IPMK: variants seen among roughly 807,000 people sequenced by gnomAD.
IPMK encodes inositol polyphosphate multikinase.
Under a neutral mutation model 45.8 loss-of-function variants are expected in IPMK, and 17 were observed. The observed-to-expected ratio is 0.37, with a 90% confidence interval of 0.25 to 0.56. The LOEUF is 0.56. IPMK is among the 20% of genes least tolerant of loss of function. IPMK has a pLI of 0.79. For missense variants in IPMK, 399 were observed against 498.0 expected (o/e 0.80, Z 1.89); for synonymous variants, 180 against 184.3 (o/e 0.98, Z 0.19).
chr10:58,196,129 C>T lies in IPMK; in HGVS notation c.1198G>A (p.Val400Ile), dbSNP rs779545983. Residue 400 changes from valine (V) to isoleucine (I), a missense_variant, in exon 6 of 6, where the codon GTT (valine) becomes ATT (isoleucine). Around this residue, in one of 2 missense-constraint regions of IPMK, gnomAD observed 288 missense variants for 398.0 expected, o/e 0.72. Coordinates refer to ENST00000373935, the MANE Select transcript of IPMK (RefSeq NM_152230.5). Reference protein sequence around the residue: ...FPSNTIDEGYVYGLKHLISVL... With the variant: ...FPSNTIDEGYIYGLKHLISVL... The stretch of plus-strand genomic sequence containing the variant: ...GAAATTAAATGCTTTAGCCCATAAA[C>T]ATATCCCTCATCTATTGTGTTGCTA... 1 of 1,613,894 alleles carries T rather than the reference C, an allele frequency of 6.2e-7. No individual in the cohort carries two copies. Among genetic ancestry groups the T allele is most frequent in the African/African-American group, 1.3e-5 (1 of 75,044 alleles).
chr10:58,223,687 G>A (rs1273881094), intron 3 of IPMK, among the ~76,000 whole-genome samples: 2 of 152,136 alleles, frequency 1.3e-5, no homozygotes, highest in African/African-American at 4.8e-5. Context: ...TTGGCTCTCT[G>A]TCCCCAACCA....
At chr10:58,253,831 C>T (rs1326986623) in intron 1 of IPMK, among the ~76,000 whole-genome samples, 2 of 152,014 alleles carry the variant, frequency 1.3e-5, no homozygotes, top group Non-Finnish European at 2.9e-5. Context: ...CTCTCTCCCT[C>T]CCTCCCTTCC....
At position 58,230,762 on chromosome 10, in the gene IPMK, C is replaced by T. The variant is rs182296486; in HGVS notation, c.277-3623G>A. ...CAGAAAATTCTAAAAATCAGAGTGC[C>T]TCCTCTCCTCCAAAGGATCACAGCT... On this transcript the variant is annotated intron_variant, in intron 2 of 5. Transcript: ENST00000373935. Among the ~76,000 whole-genome samples, 3 of 152,252 alleles carry T rather than the reference C, an allele frequency of 2.0e-5. No individual in the cohort carries two copies. In the East Asian group the frequency reaches 5.8e-4, roughly 29 times the overall value.
At position 58,191,769 on chromosome 10, in the gene IPMK, A is replaced by G. The variant is rs1422328732; in HGVS notation, c.*4307T>C. 1.3e-5 allele frequency: 2 copies of G among 152,232 alleles called. No homozygotes were observed. Among genetic ancestry groups the G allele is most frequent in the East Asian group, 1.9e-4 (1 of 5,182 alleles). The allele number at this position is 152,232 out of a possible 1,614,324, so 9.4% of individuals were successfully genotyped here. ...CTGTGACTAAATACATTCATTCATC[A>G]AGTACAATAAATTTAGCATTGCTGC... is the stretch of plus-strand genomic sequence containing the variant. On this transcript the variant is annotated 3_prime_UTR_variant, in exon 6 of 6. Transcript: ENST00000373935.
chr10:58,218,157 A>G (rs1838277170), intron 3 of IPMK, among the ~76,000 whole-genome samples: 1 of 152,238 alleles, frequency 6.6e-6, no homozygotes, highest in Non-Finnish European at 1.5e-5. Flanking sequence ...ACTGCAGTCC[A>G]AGGGAGAAGC....
intron 1 of IPMK, among the ~76,000 whole-genome samples, chr10:58,246,693 T>A (rs558730433): frequency 2.6e-5 from 4 of 151,044 alleles, no homozygotes. Flanking sequence ...CCTAAAACCA[T>A]AAAAACCCTA....
intron 4 of IPMK, among the ~76,000 whole-genome samples, chr10:58,213,815 G>A (rs1242432915): frequency 1.3e-5 from 2 of 152,368 alleles, no homozygotes; most frequent in Non-Finnish European, 1.5e-5. Context: ...CAAGGAGGGT[G>A]TGGCTGGCAT....
chr10:58,244,706 C>A lies in IPMK; in HGVS notation c.191-6892G>T, dbSNP rs367581398. Among the ~76,000 whole-genome samples the A allele has an allele frequency of 2.3e-3, 348 of 152,206 alleles. 6 individuals carry two copies. The highest frequency in any genetic ancestry group is 0.017 in the Admixed American group (266 of 15,294). On this transcript the variant is annotated intron_variant, in intron 1 of 5. Coordinates refer to ENST00000373935, the MANE Select transcript of IPMK (RefSeq NM_152230.5). ...ATTTTGTTCTGTACTAAGAAAAATT[C>A]TTCTGCCTTGGGATGCTGTTAATCT...
intron 3 of IPMK, among the ~76,000 whole-genome samples, chr10:58,220,830 G>T (rs1457982298): frequency 1.3e-5 from 2 of 152,130 alleles, no homozygotes; most frequent in African/African-American, 4.8e-5. Flanking sequence ...GGTACTCACT[G>T]AATATTTATT....
In IPMK at chr10:58,196,340, A is replaced by G; in HGVS notation, c.987T>C (p.His329=). The change falls in exon 6 of 6, where the codon CAT becomes CAC. Residue 329 remains histidine, a synonymous_variant. Coordinates refer to ENST00000373935, the MANE Select transcript of IPMK (RefSeq NM_152230.5). ...ARHRKIYTKK[H]HSQTSLKVEN... ...CAACTTTCAATGAAGTCTGACTGTGATGCTTTTTTGTATATATTTTCCTGT... is the reference window on the plus strand; with the variant it reads ...CAACTTTCAATGAAGTCTGACTGTGGTGCTTTTTTGTATATATTTTCCTGT... 6.2e-7 allele frequency: 1 copy of G among 1,614,100 alleles called. No individual in the cohort carries two copies. Among genetic ancestry groups the G allele is most frequent in the South Asian group, 1.1e-5 (1 of 91,082 alleles).
intron 4 of IPMK, among the ~76,000 whole-genome samples, chr10:58,213,367 C>T (rs1429637115): frequency 6.6e-6 from 1 of 152,098 alleles, no homozygotes; most frequent in Non-Finnish European, 1.5e-5. Flanking sequence ...AAAATGGAAC[C>T]AAGAGGAATA....
chr10:58,267,627 C>G lies in IPMK; in HGVS notation c.-16G>C. ...CTGTTGCCATAACGGAGAGCAGAAG[C>G]GGTAACGGCAGCGAGAGTAGGAAAA... is the stretch of plus-strand genomic sequence containing the variant. On this transcript the variant is annotated 5_prime_UTR_variant, in exon 1 of 6. Transcript: ENST00000373935. 6.4e-7 allele frequency: 1 copy of G among 1,564,320 alleles called. No individual in the cohort carries two copies. Among genetic ancestry groups the G allele is most frequent in the Non-Finnish European group, 8.7e-7 (1 of 1,149,842 alleles).
chr10:58,225,858 G>A (rs911847312), intron 3 of IPMK, among the ~76,000 whole-genome samples: 8 of 152,104 alleles, frequency 5.3e-5, no homozygotes, highest in South Asian at 2.1e-4. Flanking sequence ...GGCATTAAAT[G>A]GGTTTGCGAG....
In IPMK at chr10:58,196,403, A is replaced by C. The variant is rs1185978150; in HGVS notation, c.924T>G (p.Ser308=). 6.2e-7 allele frequency: 1 copy of C among 1,613,974 alleles called. No homozygotes were observed. Among genetic ancestry groups the C allele is most frequent in the African/African-American group, 1.3e-5 (1 of 74,920 alleles). Residue 308 remains serine, a synonymous_variant, in exon 6 of 6, where the codon TCT becomes TCG. Coordinates refer to ENST00000373935, the MANE Select transcript of IPMK (RefSeq NM_152230.5). ...LSSTANGKIE[S]SVGKSLSKMY... ...TCTTGGACAAGCTTTTGCCCACTGA[A>C]GACTCTATTTTTCCATTAGCTGTGG...
At chr10:58,243,132 C>T (rs949928910) in intron 1 of IPMK, among the ~76,000 whole-genome samples, 1 of 151,836 alleles carries the variant, frequency 6.6e-6, no homozygotes, top group African/African-American at 2.4e-5. Flanking sequence ...ATACACTATC[C>T]TAGGAAAAAA....
At chr10:58,247,985 G>A (rs898174611) in intron 1 of IPMK, among the ~76,000 whole-genome samples, 1 of 151,992 alleles carries the variant, frequency 6.6e-6, no homozygotes, top group Admixed American at 6.6e-5. Flanking sequence ...TGTATGTGTT[G>A]CCCCTTTTTT....
At chr10:58,245,883 A>G (rs1404752653) in intron 1 of IPMK, among the ~76,000 whole-genome samples, 1 of 135,564 alleles carries the variant, frequency 7.4e-6, no homozygotes, top group African/African-American at 3.4e-5. Flanking sequence ...TGCAGACGAC[A>G]TGATTGTATA....
At chr10:58,206,461 A>C (rs890375288) in intron 4 of IPMK, among the ~76,000 whole-genome samples, 1 of 152,232 alleles carries the variant, frequency 6.6e-6, no homozygotes, top group Non-Finnish European at 1.5e-5. Context: ...TATGTAAATG[A>C]CATCTCGCTA....
chr10:58,200,548 T>C (rs958131590), intron 4 of IPMK, among the ~76,000 whole-genome samples: 3 of 152,202 alleles, frequency 2.0e-5, no homozygotes, highest in Non-Finnish European at 4.4e-5. Context: ...CTACCAGATA[T>C]TAAAACACAT....
Sources: gnomAD v4.1 joint callset for allele counts (sites outside exome capture counted in the v4.1 genomes callset) on GRCh38, gnomAD v4.1.1 for gene constraint, gnomAD v4.1.1 regional missense constraint, MANE v1.5 for transcripts, NCBI Gene and HGNC (gene_info 2026-07-23, HGNC 2026-07-21) for gene names.